GFOD1: variants seen among roughly 807,000 people sequenced by gnomAD.
GFOD1 encodes glucose-fructose oxidoreductase domain-containing protein 1.
GFOD1 carries 9 observed loss-of-function variants against 25.4 expected under a neutral mutation model. The observed-to-expected ratio is 0.35, with a 90% CI of 0.21 to 0.62. The LOEUF (loss-of-function observed/expected upper bound fraction) is 0.62. Among genes scored for constraint, GFOD1 ranks in the 20% least tolerant of loss-of-function variants. GFOD1 has a pLI of 0.72. For synonymous variants in GFOD1, 253 were observed against 245.6 expected, an observed-to-expected ratio of 1.03 and a Z score of -0.28; for missense variants, 403 against 556.9, an observed-to-expected ratio of 0.72 and a Z score of 2.78.
chr6:13,432,096 C>G (rs1452883705), intron 1 of GFOD1, among the ~76,000 whole-genome samples: 1 of 152,188 alleles, frequency 6.6e-6, no homozygotes, highest in East Asian at 1.9e-4. Context: ...TGAACCCACT[C>G]TGAGCAGGCA....
chr6:13,386,021 T>C (rs918868602), intron 1 of GFOD1, among the ~76,000 whole-genome samples: 1 of 151,632 alleles, frequency 6.6e-6, no homozygotes, highest in African/African-American at 2.4e-5. Flanking sequence ...CATTCCCTTA[T>C]CCTATCTGTT....
At chr6:13,375,956 C>A (rs1286554993) in intron 1 of GFOD1, among the ~76,000 whole-genome samples, 2 of 152,192 alleles carry the variant, frequency 1.3e-5, no homozygotes, top group Non-Finnish European at 2.9e-5. Context: ...GTTGAGAATG[C>A]AGATATGATA....
At chr6:13,425,265 C>T (rs754771814) in intron 1 of GFOD1, among the ~76,000 whole-genome samples, 4 of 152,132 alleles carry the variant, frequency 2.6e-5, no homozygotes, top group Non-Finnish European at 5.9e-5. Flanking sequence ...TGGCCTAACA[C>T]ATTTATTTCT....
At chr6:13,376,223 C>T (rs549976913) in intron 1 of GFOD1, among the ~76,000 whole-genome samples, 3 of 152,226 alleles carry the variant, frequency 2.0e-5, no homozygotes, top group East Asian at 3.9e-4. Flanking sequence ...GCAAGAGGTC[C>T]CATGGGAGAA....
chr6:13,404,073 A>T lies in GFOD1; in HGVS notation c.254-38411T>A, dbSNP rs1165103780. On this transcript the variant is annotated intron_variant, in intron 1 of 1. Coordinates refer to ENST00000379287, the MANE Select transcript of GFOD1 (RefSeq NM_018988.4). Reference sequence around the variant, plus strand: ...TTTAAAAGTTAAAAAGTAAACAACGATAGTTTGAAATCAGCCTAATTTTAA... The same window carrying T: ...TTTAAAAGTTAAAAAGTAAACAACGTTAGTTTGAAATCAGCCTAATTTTAA... 5.9e-5 allele frequency among the ~76,000 whole-genome samples: 9 copies of T among 152,254 alleles called. No homozygotes were observed. In the East Asian group the frequency reaches 1.7e-3, roughly 29 times the overall value.
At chr6:13,481,956 T>C (rs923363379) in intron 1 of GFOD1, among the ~76,000 whole-genome samples, 3 of 152,130 alleles carry the variant, frequency 2.0e-5, no homozygotes, top group African/African-American at 7.2e-5. Flanking sequence ...AACCTAAATG[T>C]TGAGTAACAG....
rs534096922 is a variant in GFOD1 at position 13,442,501 on chromosome 6, T to C, written c.253+44137A>G. Among the ~76,000 whole-genome samples, 18 of 152,348 alleles carry C rather than the reference T, an allele frequency of 1.2e-4. No individual in the cohort carries two copies. In the South Asian group the frequency reaches 3.5e-3, roughly 30 times the overall value. On this transcript the variant is annotated intron_variant, in intron 1 of 1. Coordinates refer to ENST00000379287, the MANE Select transcript of GFOD1 (RefSeq NM_018988.4). Reference sequence around the variant, plus strand: ...GAAACAGCCATCTCTTGGAAAAAGATGTCATCTAGGACTTTCATAGCTAGA... The same window carrying C: ...GAAACAGCCATCTCTTGGAAAAAGACGTCATCTAGGACTTTCATAGCTAGA...
intron 1 of GFOD1, among the ~76,000 whole-genome samples, chr6:13,444,003 A>G (rs1285170353): frequency 6.6e-6 from 1 of 152,132 alleles, no homozygotes; most frequent in African/African-American, 2.4e-5. Flanking sequence ...CAGCAATCCC[A>G]CTACGGGTAT....
intron 1 of GFOD1, chr6:13,486,347 A>C: frequency 2.1e-6 from 1 of 473,518 alleles, no homozygotes; most frequent in Non-Finnish European, 3.8e-6. Flanking sequence ...TCGGCATCTG[A>C]TCTTCCTAGT....
At chr6:13,412,142 G>C (rs1012655592) in intron 1 of GFOD1, among the ~76,000 whole-genome samples, 1 of 152,222 alleles carries the variant, frequency 6.6e-6, no homozygotes, top group African/African-American at 2.4e-5. Context: ...GTTATGAGCT[G>C]AAGTGTGTCC....
intron 1 of GFOD1, among the ~76,000 whole-genome samples, chr6:13,481,408 C>T (rs113122226): frequency 2.0e-5 from 3 of 152,148 alleles, no homozygotes; most frequent in African/African-American, 4.8e-5. Context: ...GCCAGGTGGC[C>T]GGAATATAGA....
At position 13,451,915 on chromosome 6, in the gene GFOD1, A is replaced by G. The variant is rs1165896173; in HGVS notation, c.253+34723T>C. On this transcript the variant is annotated intron_variant, in intron 1 of 1. Coordinates refer to ENST00000379287, the MANE Select transcript of GFOD1 (RefSeq NM_018988.4). Reference sequence around the variant, plus strand: ...CCATCCTCATGCAAACGGGAAGCAGACACATGGGGATTTGGATTGGATTTA... The same window carrying G: ...CCATCCTCATGCAAACGGGAAGCAGGCACATGGGGATTTGGATTGGATTTA... Among the ~76,000 whole-genome samples, 4 of 152,316 alleles carry G rather than the reference A, an allele frequency of 2.6e-5. No homozygotes were observed. The South Asian group carries it at 6.2e-4, about 24-fold the overall frequency.
At chr6:13,432,498 C>T (rs971238208) in intron 1 of GFOD1, among the ~76,000 whole-genome samples, 10 of 152,094 alleles carry the variant, frequency 6.6e-5, no homozygotes, top group African/African-American at 1.7e-4. Flanking sequence ...TGAGCTACCA[C>T]GCCCAGCTTA....
At position 13,358,331 on chromosome 6, in the gene GFOD1, C is replaced by T. The variant is rs960449422; in HGVS notation, c.*6412G>A. ...AAGTTTGGTTTTATACATATACATACATATATACTCATGTTTGTAAAACAC... is the reference window on the plus strand; with the variant it reads ...AAGTTTGGTTTTATACATATACATATATATATACTCATGTTTGTAAAACAC... On this transcript the variant is annotated 3_prime_UTR_variant, in exon 2 of 2. Coordinates refer to ENST00000379287, the MANE Select transcript of GFOD1 (RefSeq NM_018988.4). The T allele has an allele frequency of 6.6e-6, 1 of 151,898 alleles. No individual in the cohort carries two copies. The highest frequency in any genetic ancestry group is 2.1e-4 in the South Asian group (1 of 4,820). 9.4% of individuals were successfully genotyped at this position (151,898 alleles called of 1,614,324 possible). A position where few individuals can be genotyped will look rare whatever the true frequency, so the allele number is the denominator to read the frequency against.
At chr6:13,426,997 T>C (rs1186285483) in intron 1 of GFOD1, among the ~76,000 whole-genome samples, 1 of 152,182 alleles carries the variant, frequency 6.6e-6, no homozygotes, top group Admixed American at 6.5e-5. Context: ...TAATCATATC[T>C]CTCTCACAGT....
intron 1 of GFOD1, among the ~76,000 whole-genome samples, chr6:13,386,343 G>C (rs1406244369): frequency 6.6e-6 from 1 of 152,082 alleles, no homozygotes; most frequent in African/African-American, 2.4e-5. Flanking sequence ...CAAGCAAACT[G>C]ATACACCTGT....
At position 13,361,229 on chromosome 6, in the gene GFOD1, G is replaced by T; in HGVS notation, c.*3514C>A. The T allele has an allele frequency of 4.8e-6, 1 of 208,018 alleles. No individual in the cohort carries two copies. The highest frequency in any genetic ancestry group is 9.9e-6 in the Non-Finnish European group (1 of 100,692). The allele number at this position is 208,018 out of a possible 1,614,324, so 12.9% of individuals were successfully genotyped here. Reference sequence around the variant, plus strand: ...ATGCAATTGTCTGTTGAGAGGAGAAGTCTTGGAGGAGCTGACAGTGATCAC... The same window carrying T: ...ATGCAATTGTCTGTTGAGAGGAGAATTCTTGGAGGAGCTGACAGTGATCAC... On this transcript the variant is annotated 3_prime_UTR_variant, in exon 2 of 2. Coordinates refer to ENST00000379287, the MANE Select transcript of GFOD1 (RefSeq NM_018988.4).
chr6:13,435,949 C>T (rs1031730582), intron 1 of GFOD1, among the ~76,000 whole-genome samples: 2 of 152,184 alleles, frequency 1.3e-5, no homozygotes, highest in Non-Finnish European at 2.9e-5. Flanking sequence ...CTTTAATGAA[C>T]TTTCTCTTAC....
At chr6:13,416,339 CAATT>C (rs544211516) in intron 1 of GFOD1, among the ~76,000 whole-genome samples, 163 of 152,108 alleles carry the variant, frequency 1.1e-3, no homozygotes, top group Non-Finnish European at 2.0e-3. Flanking sequence ...AGCCAGAAAA[CAATT>C]AAAGAAAGGA....
Sources: allele counts gnomAD v4.1 joint callset (sites outside exome capture counted in the v4.1 genomes callset), GRCh38; gene constraint gnomAD v4.1.1; transcripts MANE v1.5; gene names NCBI Gene and HGNC (gene_info 2026-07-23, HGNC 2026-07-21).